TBC1D3L: variants seen among roughly 807,000 people sequenced by gnomAD.
The protein encoded by TBC1D3L is TBC1 domain family member 3L.
In TBC1D3L at chr17:37,978,270, TG is replaced by T. The variant is rs1258820395; in HGVS notation, c.*199del. ...GAATTCAGAACGATGGTCGTGGGGC[TG>T]GGGGTGCTGGGAGGGGCTGGGCATG... On this transcript the variant is annotated 3_prime_UTR_variant, in exon 13 of 13. Coordinates refer to ENST00000612727, the MANE Select transcript of TBC1D3L (RefSeq NM_001369500.1). 1 of 376,456 alleles carries T rather than the reference TG, an allele frequency of 2.7e-6. No individual in the cohort carries two copies. The highest frequency in any genetic ancestry group is 3.5e-5 in the East Asian group (1 of 28,778). 23.3% of individuals were successfully genotyped at this position (376,456 alleles called of 1,614,324 possible). A position where few individuals can be genotyped will look rare whatever the true frequency, so the allele number is the denominator to read the frequency against.
Position 37,978,617 on chromosome 17 carries a change from CCG to C in TBC1D3L, c.1501_1502del (p.Arg501GlyfsTer11). On this transcript the variant is annotated frameshift_variant, in exon 13 of 13. Coordinates refer to ENST00000612727, the MANE Select transcript of TBC1D3L (RefSeq NM_001369500.1). LOFTEE classifies it high-confidence loss of function. ...PCWQAEHPAE[R>X]VRSAFAAPST... The stretch of plus-strand genomic sequence containing the variant: ...TGGGTGCAGCGAAAGCCGATCTCAC[CCG>C]CTCCGCAGGGTGTTCAGCCTGCCAG... The C allele has an allele frequency of 6.9e-7, 1 of 1,458,682 alleles. No individual in the cohort carries two copies. The highest frequency in any genetic ancestry group is 9.0e-7 in the Non-Finnish European group (1 of 1,108,902). The allele number at this position is 1,458,682 out of a possible 1,614,324, so 90.4% of individuals were successfully genotyped here.
Position 37,978,180 on chromosome 17 carries a change from CA to C in TBC1D3L, c.*289del. On this transcript the variant is annotated 3_prime_UTR_variant, in exon 13 of 13. Coordinates refer to ENST00000612727, the MANE Select transcript of TBC1D3L (RefSeq NM_001369500.1). ...TCATTTCAACAGGAAACATTTATTT[CA>C]AAACATGAAGGTGGTTATCCTTCCA... 1 of 250,798 alleles carries C rather than the reference CA, an allele frequency of 4.0e-6. No homozygotes were observed. Among genetic ancestry groups the C allele is most frequent in the Non-Finnish European group, 6.6e-6 (1 of 150,674 alleles). 15.5% of individuals were successfully genotyped at this position (250,798 alleles called of 1,614,324 possible).
intron 12 of TBC1D3L, 44 bp downstream of exon 12, chr17:37,979,975 TA>T (rs2035765867): frequency 7.0e-7 from 1 of 1,418,508 alleles, no homozygotes; most frequent in South Asian, 1.2e-5. Context: ...TACTACTGAC[TA>T]CCCCAGAGGG....
chr17:37,980,764 C>CGAG, intron 10 of TBC1D3L, 122 bp from the exon 11 acceptor site: 1 of 5,238 alleles, frequency 1.9e-4, no homozygotes, highest in South Asian at 1.2e-3. Context: ...GTCGCCTGAG[C>CGAG]CCTCCAGGAC....
In TBC1D3L at chr17:37,978,641, CCA is replaced by C; in HGVS notation, c.1477_1478del (p.Trp493AlafsTer3). ...CCCGCTCCGCAGGGTGTTCAGCCTG[CCA>C]GCAGGGGGCCAGCTGGTCCTCCTGG... ...ISQEDQLAPC[W>X]QAEHPAERVR... On this transcript the variant is annotated frameshift_variant, in exon 13 of 13. Coordinates refer to ENST00000612727, the MANE Select transcript of TBC1D3L (RefSeq NM_001369500.1). LOFTEE classifies it high-confidence loss of function. 8.3e-7 allele frequency: 1 copy of C among 1,208,434 alleles called. No homozygotes were observed. The highest frequency in any genetic ancestry group is 1.1e-6 in the Non-Finnish European group (1 of 894,412). 74.9% of individuals were successfully genotyped at this position (1,208,434 alleles called of 1,614,324 possible).
chr17:37,979,950 T>TC (rs2035765470), intron 12 of TBC1D3L, 70 bp downstream of exon 12: 2 of 540,380 alleles, frequency 3.7e-6, no homozygotes, highest in Non-Finnish European at 6.0e-6. Context: ...GGGTTGCGGG[T>TC]CCCGGGCACT....
chr17:37,981,943 TCTC>T (rs1481696831), intron 8 of TBC1D3L, among the ~76,000 whole-genome samples: 99 of 21,338 alleles, frequency 4.6e-3, no homozygotes, highest in African/African-American at 0.018. Flanking sequence ...TTCCCGGTCA[TCTC>T]CTGGTAGTGG....
intron 12 of TBC1D3L, 107 bp from the exon 13 acceptor site, chr17:37,979,145 GC>G: frequency 6.5e-5 from 8 of 122,894 alleles, no homozygotes; most frequent in Admixed American, 1.6e-4. Flanking sequence ...TCTCTGTGTG[GC>G]CCCCGTGGCC....
chr17:37,980,055 T>C lies in TBC1D3L; in HGVS notation c.1046A>G (p.Lys349Arg). The change falls in exon 12 of 13, where the codon AAA becomes AGA. Residue 349 changes from lysine to arginine, a missense_variant. By Grantham distance (26) the Lys-to-Arg change is conservative. Coordinates refer to ENST00000612727, the MANE Select transcript of TBC1D3L (RefSeq NM_001369500.1). ...VLKHLRASMK[K>R]LTRKQGDLQP... ...CAGGTCCCCCTGCTTTCTTGTTAGT[T>C]TCTTCATAGAGGCCCTAAGATGCTT... is the stretch of plus-strand genomic sequence containing the variant. 3 of 1,466,742 alleles carry C rather than the reference T, an allele frequency of 2.0e-6. 1 individual carries two copies. The highest frequency in any genetic ancestry group is 2.7e-6 in the Non-Finnish European group (3 of 1,118,346). 90.9% of individuals were successfully genotyped at this position (1,466,742 alleles called of 1,614,324 possible).
chr17:37,980,071 TA>T lies in TBC1D3L; in HGVS notation c.1029del (p.Arg344GlyfsTer4), dbSNP rs2035767579. The T allele has an allele frequency of 6.8e-7, 1 of 1,462,788 alleles. No individual in the cohort carries two copies. Among genetic ancestry groups the T allele is most frequent in the Non-Finnish European group, 9.0e-7 (1 of 1,116,858 alleles). 90.6% of individuals were successfully genotyped at this position (1,462,788 alleles called of 1,614,324 possible). Reference sequence around the variant, plus strand: ...CTTGTTAGTTTCTTCATAGAGGCCCTAAGATGCTTGAGCACAGTGTCCTCAT... The same window carrying T: ...CTTGTTAGTTTCTTCATAGAGGCCCTAGATGCTTGAGCACAGTGTCCTCAT... ...ARDEDTVLKH[L>X]RASMKKLTRK... On this transcript the variant is annotated frameshift_variant, in exon 12 of 13. Transcript: ENST00000612727. LOFTEE classifies it high-confidence loss of function.
chr17:37,978,641 CCAGCA>C lies in TBC1D3L; in HGVS notation c.1474_1478del (p.Cys492AlafsTer3). ...CCCGCTCCGCAGGGTGTTCAGCCTG[CCAGCA>C]GGGGGCCAGCTGGTCCTCCTGGGAT... On this transcript the variant is annotated frameshift_variant, in exon 13 of 13. Transcript: ENST00000612727. LOFTEE classifies it high-confidence loss of function. 2.5e-6 allele frequency: 3 copies of C among 1,208,428 alleles called. No homozygotes were observed. Among genetic ancestry groups the C allele is most frequent in the Non-Finnish European group, 3.4e-6 (3 of 894,406 alleles). 74.9% of individuals were successfully genotyped at this position (1,208,428 alleles called of 1,614,324 possible). A position where few individuals can be genotyped will look rare whatever the true frequency, so the allele number is the denominator to read the frequency against.
Sources: gnomAD v4.1 joint callset for allele counts (sites outside exome capture counted in the v4.1 genomes callset) on GRCh38, gnomAD v4.1.1 for gene constraint, MANE v1.5 for transcripts, NCBI Gene and HGNC (gene_info 2026-07-23, HGNC 2026-07-21) for gene names.